MTMR7: variants seen among roughly 807,000 people sequenced by gnomAD.
The protein encoded by MTMR7 is phosphatidylinositol-3-phosphate phosphatase MTMR7.
A neutral mutation model predicts 81.2 loss-of-function variants in MTMR7; 76 were observed. The ratio of observed to expected loss-of-function variants is 0.94; its 90% CI spans 0.78 to 1.13. The LOEUF (loss-of-function observed/expected upper bound fraction) is 1.13, where lower values mean the gene tolerates loss of function less well. Among genes scored for constraint, MTMR7 ranks in the 50% most tolerant of loss-of-function variants. The pLI, the probability that MTMR7 is intolerant of heterozygous loss-of-function variation, is 0.00. For synonymous variants in MTMR7, 372 were observed against 289.8 expected (o/e 1.28, Z -2.88); for missense variants, 1,044 against 820.0 (o/e 1.27, Z -3.34).
intron 1 of MTMR7, among the ~76,000 whole-genome samples, chr8:17,392,930 G>C (rs572291953): frequency 6.6e-6 from 1 of 152,294 alleles, no homozygotes; most frequent in East Asian, 1.9e-4. Context: ...CTTGAAAACA[G>C]CTAAAATGTA....
intron 3 of MTMR7, among the ~76,000 whole-genome samples, chr8:17,362,438 G>A (rs1341942441): frequency 6.6e-6 from 1 of 152,158 alleles, no homozygotes; most frequent in Non-Finnish European, 1.5e-5. Flanking sequence ...TCCAGATTCT[G>A]TCGCAATTAA....
At chr8:17,335,473 G>T (rs1819207284) in intron 6 of MTMR7, among the ~76,000 whole-genome samples, 1 of 152,240 alleles carries the variant, frequency 6.6e-6, no homozygotes, top group Admixed American at 6.5e-5. Flanking sequence ...AGGTCAGCCT[G>T]GTCACTGCCT....
intron 5 of MTMR7, among the ~76,000 whole-genome samples, chr8:17,343,774 T>A (rs59355014): frequency 4.6e-5 from 7 of 152,238 alleles, no homozygotes; most frequent in African/African-American, 1.7e-4. Context: ...AGATATGATC[T>A]AAATGGAATT....
intron 7 of MTMR7, among the ~76,000 whole-genome samples, chr8:17,318,783 T>C (rs1414541201): frequency 6.6e-6 from 1 of 152,182 alleles, no homozygotes; most frequent in Non-Finnish European, 1.5e-5. Flanking sequence ...TGATGGCCAG[T>C]TCTGTGCCCC....
intron 1 of MTMR7, among the ~76,000 whole-genome samples, chr8:17,382,240 G>A (rs7003204): frequency 0.045 from 6,776 of 152,246 alleles, 509 homozygotes; most frequent in African/African-American, 0.15. Flanking sequence ...CCAGTGTTCT[G>A]GTCCCAAAGG....
chr8:17,371,434 A>T (rs546507244), intron 2 of MTMR7, among the ~76,000 whole-genome samples: 54 of 152,350 alleles, frequency 3.5e-4, no homozygotes, highest in Non-Finnish European at 6.5e-4. Context: ...AGTTATTTTG[A>T]AGTAAACCAT....
chr8:17,304,600 G>A, intron 11 of MTMR7, 81 bp from the exon 12 acceptor site: 1 of 1,456,142 alleles, frequency 6.9e-7, no homozygotes, highest in Non-Finnish European at 9.4e-7. Flanking sequence ...TGCTGGAAAG[G>A]AACTAATAAT....
intron 6 of MTMR7, among the ~76,000 whole-genome samples, chr8:17,335,163 G>C (rs1339114630): frequency 6.6e-6 from 1 of 152,188 alleles, no homozygotes; most frequent in Non-Finnish European, 1.5e-5. Flanking sequence ...AGCGAGCAGA[G>C]AGGGATGGGC....
At chr8:17,369,689 A>T (rs1160533500) in intron 3 of MTMR7, among the ~76,000 whole-genome samples, 2 of 122,848 alleles carry the variant, frequency 1.6e-5, no homozygotes, top group Non-Finnish European at 3.2e-5. Flanking sequence ...TCTGTCACCC[A>T]GGCTGGAGTG....
At chr8:17,375,298 G>T (rs767712836) in intron 1 of MTMR7, among the ~76,000 whole-genome samples, 1 of 151,994 alleles carries the variant, frequency 6.6e-6, no homozygotes, top group African/African-American at 2.4e-5. Context: ...GCTCTAGAGG[G>T]TCCCATCTCA....
chr8:17,298,991 TCA>T lies in MTMR7; in HGVS notation c.*869_*870del, dbSNP rs1816921579. On this transcript the variant is annotated 3_prime_UTR_variant, in exon 14 of 14. Transcript: ENST00000180173. The stretch of plus-strand genomic sequence containing the variant: ...CTGGTTCTTGAAACTGGATTTTCAC[TCA>T]CAGATGTTTTATCTACTAACTTTAT... 1 of 152,200 alleles carries T rather than the reference TCA, an allele frequency of 6.6e-6. No individual in the cohort carries two copies. The allele number at this position is 152,200 out of a possible 1,614,324, so 9.4% of individuals were successfully genotyped here.
chr8:17,300,028 G>C lies in MTMR7; in HGVS notation c.1817C>G (p.Thr606Ser), dbSNP rs775265942. 1 of 1,614,132 alleles carries C rather than the reference G, an allele frequency of 6.2e-7. No homozygotes were observed. Among genetic ancestry groups the C allele is most frequent in the Non-Finnish European group, 8.5e-7 (1 of 1,180,018 alleles). The change falls in exon 14 of 14, where the codon ACC becomes AGC. Residue 606 changes from threonine (T) to serine (S), a missense_variant. Physicochemically the swap from Thr to Ser is moderately conservative, Grantham distance 58 (BLOSUM62 1). Transcript: ENST00000180173. ...ATCTGAACTTTTCAGATTGTCTTGG[G>C]TTAGAATCAGAGCAGAATCTTCATC... ...QGDEDSALIL[T>S]QDNLKSSDPD...
chr8:17,400,125 T>A (rs575206466), intron 1 of MTMR7, among the ~76,000 whole-genome samples: 41 of 152,194 alleles, frequency 2.7e-4, no homozygotes, highest in Non-Finnish European at 5.3e-4. Context: ...TTTATTTGTT[T>A]ACTGTTGAGA....
intron 1 of MTMR7, among the ~76,000 whole-genome samples, chr8:17,401,885 T>A (rs1821439040): frequency 1.3e-5 from 2 of 152,168 alleles, no homozygotes. Flanking sequence ...AAGATCCAGG[T>A]ACTATGAATC....
chr8:17,353,406 A>G (rs1819787820), intron 4 of MTMR7, among the ~76,000 whole-genome samples: 1 of 152,200 alleles, frequency 6.6e-6, no homozygotes, highest in South Asian at 2.1e-4. Flanking sequence ...CTATACCTTA[A>G]AAATGACTAA....
intron 4 of MTMR7, among the ~76,000 whole-genome samples, chr8:17,351,978 G>A (rs758936921): frequency 1.3e-5 from 2 of 152,188 alleles, no homozygotes; most frequent in Non-Finnish European, 2.9e-5. Flanking sequence ...TAAGATACCT[G>A]TGTTCATGCA....
At position 17,314,090 on chromosome 8, in the gene MTMR7, ATAT is replaced by A. The variant is rs1374711294; in HGVS notation, c.866-692_866-690del. Among the ~76,000 whole-genome samples, 5 of 152,106 alleles carry A rather than the reference ATAT, an allele frequency of 3.3e-5. No homozygotes were observed. The East Asian group carries it at 7.7e-4, about 24-fold the overall frequency. On this transcript the variant is annotated intron_variant, in intron 7 of 13. Coordinates refer to ENST00000180173, the MANE Select transcript of MTMR7 (RefSeq NM_004686.5). Reference sequence around the variant, plus strand: ...AGGCAGGTGTATAAACACCTCTATAATATTATAAACCACCAACTTTCACCTCAG... The same window carrying A: ...AGGCAGGTGTATAAACACCTCTATAATATAAACCACCAACTTTCACCTCAG...
intron 3 of MTMR7, among the ~76,000 whole-genome samples, chr8:17,370,326 G>C (rs1366556173): frequency 6.6e-6 from 1 of 151,830 alleles, no homozygotes. Context: ...TTCAAGACCA[G>C]CCTGGCCAAC....
intron 3 of MTMR7, among the ~76,000 whole-genome samples, chr8:17,367,905 A>C (rs1339563368): frequency 7.5e-6 from 1 of 133,370 alleles, no homozygotes; most frequent in Admixed American, 7.7e-5. Flanking sequence ...AGTACTTTTG[A>C]TTTTAATATT....
Sources: allele counts gnomAD v4.1 joint callset (sites outside exome capture counted in the v4.1 genomes callset), GRCh38; gene constraint gnomAD v4.1.1; transcripts MANE v1.5; gene names NCBI Gene and HGNC (gene_info 2026-07-23, HGNC 2026-07-21).